Variants in PPP1R21 observed in about 807,000 individuals in gnomAD.
PPP1R21 encodes the protein KLRAQ motif containing 1.
A neutral mutation model predicts 112.8 loss-of-function variants in PPP1R21; 85 were observed. The observed-to-expected ratio is 0.75, with a 90% CI of 0.63 to 0.90. PPP1R21 has a LOEUF of 0.90. Ranked by LOEUF, PPP1R21 falls within the 40% of genes least tolerant of loss-of-function variation. PPP1R21 has a pLI of 0.00. For missense variants in PPP1R21, 1,199 were observed against 901.5 expected (o/e 1.33, Z -4.23); for synonymous variants, 381 against 322.3 (o/e 1.18, Z -1.95).
At chr2:48,479,400 T>C in intron 12 of PPP1R21, 1 of 446,696 alleles carries the variant, frequency 2.2e-6, no homozygotes, top group African/African-American at 2.0e-5. Context: ...GTTACAGATT[T>C]TCTTGAGTAA....
At chr2:48,479,857 G>C (rs1051252894) in intron 12 of PPP1R21, 67 bp from the exon 13 acceptor site, 17 of 953,248 alleles carry the variant, frequency 1.8e-5, no homozygotes, top group Non-Finnish European at 2.8e-5. Context: ...CTTCCCAAAA[G>C]TAGAGGGATA....
chr2:48,471,709 A>T lies in PPP1R21; in HGVS notation c.1088+342A>T, dbSNP rs114093782. Among the ~76,000 whole-genome samples, 847 of 152,194 alleles carry T rather than the reference A, an allele frequency of 5.6e-3. 11 individuals carry two copies. The highest frequency in any genetic ancestry group is 0.019 in the African/African-American group (804 of 41,532). ...TTTCTTTGAAATGGTGTATTTTCTT[A>T]TTTTTGTTATTAGTGACTTGTTATA... On this transcript the variant is annotated intron_variant, in intron 11 of 21. Coordinates refer to ENST00000294952, the MANE Select transcript of PPP1R21 (RefSeq NM_001135629.3).
Position 48,507,381 on chromosome 2 carries a change from C to G in PPP1R21, c.2081C>G (p.Ala694Gly), listed in dbSNP as rs1387254445. The change falls in exon 19 of 22, where the codon GCC (alanine) becomes GGC (glycine). Residue 694 changes from alanine to glycine, a missense_variant. By Grantham distance (60) the Ala-to-Gly change is moderately conservative. Coordinates refer to ENST00000294952, the MANE Select transcript of PPP1R21 (RefSeq NM_001135629.3). ...GACAGTAAGTCAGTGCATTTTTATG[C>G]CGAGGTGAGTGTAGATTTAATTAGA... The part of the protein sequence containing the change: ...LADSKSVHFY[A>G]ECRALSKRLA... The G allele has an allele frequency of 6.2e-7, 1 of 1,600,766 alleles. No homozygotes were observed. Among genetic ancestry groups the G allele is most frequent in the Non-Finnish European group, 8.5e-7 (1 of 1,175,772 alleles).
Position 48,483,672 on chromosome 2 carries a change from A to AC in PPP1R21, c.1319-2958dup, listed in dbSNP as rs1669137282. 4.6e-5 allele frequency among the ~76,000 whole-genome samples: 7 copies of AC among 152,304 alleles called. No individual in the cohort carries two copies. In the South Asian group the frequency reaches 1.4e-3, roughly 32 times the overall value. Reference sequence around the variant, plus strand: ...TGTTCCTTGTAATGCACAATGAGAAACAGAACAGAGTACACATTGTTCCAA... The same window carrying AC: ...TGTTCCTTGTAATGCACAATGAGAAACCAGAACAGAGTACACATTGTTCCAA... On this transcript the variant is annotated intron_variant, in intron 13 of 21. Coordinates refer to ENST00000294952, the MANE Select transcript of PPP1R21 (RefSeq NM_001135629.3).
chr2:48,469,091 A>T (rs1474777403), intron 9 of PPP1R21, among the ~76,000 whole-genome samples: 1 of 151,654 alleles, frequency 6.6e-6, no homozygotes, highest in Non-Finnish European at 1.5e-5. Flanking sequence ...TAAACCTGTC[A>T]GATCTTGTGA....
At chr2:48,479,513 C>G (rs1187238400) in intron 12 of PPP1R21, 1 of 475,558 alleles carries the variant, frequency 2.1e-6, no homozygotes, top group South Asian at 1.5e-5. Flanking sequence ...GTCCACAGAG[C>G]TCCTCACGCT....
chr2:48,498,838 T>A (rs755983180), intron 17 of PPP1R21, 103 bp downstream of exon 17: 6 of 1,170,308 alleles, frequency 5.1e-6, no homozygotes, highest in Non-Finnish European at 7.4e-6. Context: ...CAGGCTGCTA[T>A]ATCAAAATAC....
intron 13 of PPP1R21, among the ~76,000 whole-genome samples, chr2:48,481,858 C>T (rs994564136): frequency 2.0e-5 from 3 of 152,072 alleles, no homozygotes; most frequent in East Asian, 3.8e-4. Context: ...TGGAAAATTC[C>T]GCACTTGCCC....
At chr2:48,460,448 C>T (rs915899795) in intron 6 of PPP1R21, among the ~76,000 whole-genome samples, 2 of 152,114 alleles carry the variant, frequency 1.3e-5, no homozygotes, top group African/African-American at 4.8e-5. Context: ...CAGAAGGGGC[C>T]TCTGATAGTC....
intron 14 of PPP1R21, among the ~76,000 whole-genome samples, chr2:48,490,053 G>A (rs1193207391): frequency 4.0e-5 from 6 of 150,984 alleles, no homozygotes; most frequent in Non-Finnish European, 8.9e-5. Flanking sequence ...TCAAACAAAC[G>A]AACAAAAATA....
In PPP1R21 at chr2:48,496,793, C is replaced by G. The variant is rs186528537; in HGVS notation, c.1692+1022C>G. ...AGCTTGTTGGATTTAGGTCCAGTCA[C>G]ATTTCTTCATGGTTGTCAATCATGC... On this transcript the variant is annotated intron_variant, in intron 16 of 21. Transcript: ENST00000294952. Among the ~76,000 whole-genome samples, 4 of 152,334 alleles carry G rather than the reference C, an allele frequency of 2.6e-5. No homozygotes were observed. In the East Asian group the frequency reaches 7.7e-4, roughly 29 times the overall value.
intron 8 of PPP1R21, 134 bp downstream of exon 8, chr2:48,465,123 C>G: frequency 1.4e-6 from 1 of 723,282 alleles, no homozygotes; most frequent in Non-Finnish European, 2.3e-6. Context: ...ACGTGTTTCT[C>G]ATACATTTAT....
rs532701321 is a variant in PPP1R21, at chr2:48,443,589, G to T, written c.57+2579G>T. ...TAAGGAGACTGTAGGAGGCCTGCCA[G>T]ACTTGGGGTCATCTCCCCTATTGGA... On this transcript the variant is annotated intron_variant, in intron 1 of 21. Coordinates refer to ENST00000294952, the MANE Select transcript of PPP1R21 (RefSeq NM_001135629.3). Among the ~76,000 whole-genome samples the T allele has an allele frequency of 7.9e-5, 12 of 152,350 alleles. No homozygotes were observed. In the South Asian group the frequency reaches 2.5e-3, roughly 32 times the overall value.
intron 18 of PPP1R21, 188 bp from the exon 19 acceptor site, chr2:48,507,081 A>G: frequency 1.3e-6 from 1 of 762,726 alleles, no homozygotes; most frequent in Non-Finnish European, 1.8e-6. Context: ...AAGATGCTAA[A>G]TAAAAGAAAT....
intron 2 of PPP1R21, 56 bp downstream of exon 2, chr2:48,451,132 A>C: frequency 3.5e-6 from 5 of 1,429,048 alleles, no homozygotes; most frequent in Non-Finnish European, 4.9e-6. Flanking sequence ...GTGTTGCTCA[A>C]AGCAGGTTCA....
chr2:48,480,727 C>G (rs1341475276), intron 13 of PPP1R21, among the ~76,000 whole-genome samples: 1 of 152,028 alleles, frequency 6.6e-6, no homozygotes, highest in Non-Finnish European at 1.5e-5. Context: ...CAGGAGCAAT[C>G]TATTAAGGAC....
intron 2 of PPP1R21, among the ~76,000 whole-genome samples, chr2:48,452,161 G>A (rs1171992605): frequency 6.6e-6 from 1 of 152,182 alleles, no homozygotes; most frequent in African/African-American, 2.4e-5. Flanking sequence ...ACTTATTGCT[G>A]GGGAAAGTCT....
intron 3 of PPP1R21, 76 bp from the exon 4 acceptor site, chr2:48,458,048 TGA>T (rs1558433984): frequency 3.3e-6 from 3 of 912,542 alleles, no homozygotes; most frequent in Non-Finnish European, 5.4e-6. Context: ...GCTTCTAAGA[TGA>T]TAGAGAATCT....
At chr2:48,504,432 G>A (rs1670277801) in intron 17 of PPP1R21, among the ~76,000 whole-genome samples, 1 of 152,116 alleles carries the variant, frequency 6.6e-6, no homozygotes, top group Admixed American at 6.5e-5. Flanking sequence ...CACGAGGTCA[G>A]GAGTTCAAGA....
Sources: gnomAD v4.1 joint callset for allele counts (sites outside exome capture counted in the v4.1 genomes callset) on GRCh38, gnomAD v4.1.1 for gene constraint, MANE v1.5 for transcripts, NCBI Gene and HGNC (gene_info 2026-07-23, HGNC 2026-07-21) for gene names.